PTCD1: variants seen among roughly 807,000 people sequenced by gnomAD.
PTCD1 encodes the protein pentatricopeptide repeat-containing protein 1, mitochondrial.
PTCD1 carries 50 observed loss-of-function variants against 53.4 expected under a neutral mutation model. That is an observed-to-expected ratio of 0.94 (90% CI 0.75 to 1.19). The LOEUF is 1.19. Among genes scored for constraint, PTCD1 ranks in the 50% most tolerant of loss-of-function variants. The pLI, the probability that PTCD1 is intolerant of heterozygous loss-of-function variation, is 0.00. For synonymous variants in PTCD1, 413 were observed against 394.8 expected (o/e 1.05, Z -0.55); for missense variants, 918 against 904.8 (o/e 1.01, Z -0.19).
Position 99,421,164 on chromosome 7 carries a change from G to A in PTCD1, c.1921-1015C>T, listed in dbSNP as rs868197553. On this transcript the variant is annotated intron_variant, in intron 7 of 7. Transcript: ENST00000292478. ...GTAAATCAAAAATCAATCTGGCTGT[G>A]TGTGCTGGCTCACTCCTATAATCCC... Among the ~76,000 whole-genome samples, 32 of 152,296 alleles carry A rather than the reference G, an allele frequency of 2.1e-4. No individual in the cohort carries two copies. The Middle Eastern group carries it at 0.01, about 49-fold the overall frequency.
At chr7:99,430,363 A>AG (rs750544828) in intron 3 of PTCD1, among the ~76,000 whole-genome samples, 25 of 152,220 alleles carry the variant, frequency 1.6e-4, no homozygotes, top group Non-Finnish European at 3.1e-4. Context: ...CTGAGCCTCC[A>AG]GGGGACTAAG....
chr7:99,417,749 C>G lies in PTCD1; in HGVS notation c.*2218G>C, dbSNP rs1795585818. The G allele has an allele frequency of 1.3e-6, 2 of 1,534,750 alleles. No homozygotes were observed. Among genetic ancestry groups the G allele is most frequent in the East Asian group, 4.9e-5 (2 of 40,856 alleles). Reference sequence around the variant, plus strand: ...CCTCGTGGGAGTGGGTCCCTGTATTCAGGAATCCATGTGAGGCAGCGTGTG... The same window carrying G: ...CCTCGTGGGAGTGGGTCCCTGTATTGAGGAATCCATGTGAGGCAGCGTGTG... On this transcript the variant is annotated 3_prime_UTR_variant, in exon 8 of 8. Transcript: ENST00000292478.
chr7:99,429,743 C>A lies in PTCD1; in HGVS notation c.658G>T (p.Glu220Ter), dbSNP rs142976150. Reference protein sequence around the residue: ...TYTALFNVCAESPWKDSALQS... With the variant: ...TYTALFNVCA ...AGAGCTGAGTCCTTCCAGGGGGACT[C>A]GGCACAGACGTTGAACAGGGCCGTG... The change falls in exon 4 of 8, where the codon GAG becomes TAG. Residue 220 changes from glutamate to a stop codon, truncating the protein, a stop_gained. Coordinates refer to ENST00000292478, the MANE Select transcript of PTCD1 (RefSeq NM_015545.4). LOFTEE classifies it high-confidence loss of function. The A allele has an allele frequency of 1.2e-6, 2 of 1,614,038 alleles. No individual in the cohort carries two copies. The highest frequency in any genetic ancestry group is 8.5e-7 in the Non-Finnish European group (1 of 1,180,046).
rs1795587020 is a variant in PTCD1, at chr7:99,417,772, G to C, written c.*2195C>G. 1 of 1,531,496 alleles carries C rather than the reference G, an allele frequency of 6.5e-7. No homozygotes were observed. Among genetic ancestry groups the C allele is most frequent in the African/African-American group, 1.4e-5 (1 of 72,910 alleles). The allele number at this position is 1,531,496 out of a possible 1,614,324, so 94.9% of individuals were successfully genotyped here. A position where few individuals can be genotyped will look rare whatever the true frequency, so the allele number is the denominator to read the frequency against. The stretch of plus-strand genomic sequence containing the variant: ...TTCAGGAATCCATGTGAGGCAGCGT[G>C]TGGCTGTGTGTTTGTTAGGTCTGGG... On this transcript the variant is annotated 3_prime_UTR_variant, in exon 8 of 8. Transcript: ENST00000292478.
intron 1 of PTCD1, among the ~76,000 whole-genome samples, chr7:99,437,078 C>T (rs1796500138): frequency 1.3e-5 from 2 of 152,192 alleles, no homozygotes; most frequent in Admixed American, 1.3e-4. Context: ...TGTTGCCAGG[C>T]TGGTCTAGAA....
At position 99,429,741 on chromosome 7, in the gene PTCD1, C is replaced by A. The variant is rs761682682; in HGVS notation, c.660G>T (p.Glu220Asp). 6.2e-7 allele frequency: 1 copy of A among 1,614,130 alleles called. No homozygotes were observed. The highest frequency in any genetic ancestry group is 2.2e-5 in the East Asian group (1 of 44,902). ...TYTALFNVCA[E>D]SPWKDSALQS... Reference sequence around the variant, plus strand: ...GTAGAGCTGAGTCCTTCCAGGGGGACTCGGCACAGACGTTGAACAGGGCCG... The same window carrying A: ...GTAGAGCTGAGTCCTTCCAGGGGGAATCGGCACAGACGTTGAACAGGGCCG... Residue 220 changes from glutamate (E) to aspartate (D), a missense_variant, in exon 4 of 8, where the codon GAG becomes GAT. Transcript: ENST00000292478.
At position 99,435,209 on chromosome 7, in the gene PTCD1, T is replaced by G; in HGVS notation, c.34A>C (p.Arg12=). 1 of 1,604,220 alleles carries G rather than the reference T, an allele frequency of 6.2e-7. No individual in the cohort carries two copies. The highest frequency in any genetic ancestry group is 1.1e-5 in the South Asian group (1 of 91,084). ...ATGAACAGTCCCATGGGGCGGGCCC[T>G]GGCGAACAGTCGAGCGAGTCTCACG... ...DFVRLARLFA[R]ARPMGLFILQ... Residue 12 remains arginine, a synonymous_variant, in exon 2 of 8, where the codon AGG becomes CGG. Coordinates refer to ENST00000292478, the MANE Select transcript of PTCD1 (RefSeq NM_015545.4).
In PTCD1 at chr7:99,425,455, G is replaced by C; in HGVS notation, c.1077C>G (p.Ser359Arg). ...GGGCTGTCCTCCTTGGCCGCTGCCT[G>C]CTCACTGGGGGCTGAAGCACAGTCG... Reference protein sequence around the residue: ...EEATVLQPPVSRQRPRRTAQA... With the variant: ...EEATVLQPPVRRQRPRRTAQA... Residue 359 changes from serine (S) to arginine (R), a missense_variant, in exon 6 of 8, where the codon AGC becomes AGG. Physicochemically the swap from Ser to Arg is moderately radical, Grantham distance 110 (BLOSUM62 -1). Transcript: ENST00000292478. 1 of 1,613,774 alleles carries C rather than the reference G, an allele frequency of 6.2e-7. No homozygotes were observed. Among genetic ancestry groups the C allele is most frequent in the Non-Finnish European group, 8.5e-7 (1 of 1,179,966 alleles).
At chr7:99,431,783 G>A (rs1796262502) in intron 3 of PTCD1, among the ~76,000 whole-genome samples, 1 of 152,146 alleles carries the variant, frequency 6.6e-6, no homozygotes. Flanking sequence ...AGATCAGACT[G>A]TTACTGTGTC....
In PTCD1 at chr7:99,425,027, G is replaced by C; in HGVS notation, c.1505C>G (p.Pro502Arg). The stretch of plus-strand genomic sequence containing the variant: ...GAGGGCCAGCAGCAAGGACTCTGCA[G>C]GACTCCCGGACTCCACCACCTCGGC... Reference protein sequence around the residue: ...LLAEVVESGSPAESLLLALLD... With the variant: ...LLAEVVESGSRAESLLLALLD... The change falls in exon 6 of 8, where the codon CCT (proline) becomes CGT (arginine). Residue 502 changes from proline to arginine, a missense_variant. By Grantham distance (103) the Pro-to-Arg change is moderately radical. Transcript: ENST00000292478. 1 of 1,614,230 alleles carries C rather than the reference G, an allele frequency of 6.2e-7. No individual in the cohort carries two copies. The highest frequency in any genetic ancestry group is 8.5e-7 in the Non-Finnish European group (1 of 1,180,036).
Position 99,419,767 on chromosome 7 carries a change from G to C in PTCD1, c.*200C>G. On this transcript the variant is annotated 3_prime_UTR_variant, in exon 8 of 8. Transcript: ENST00000292478. ...AAGTCCCGTGAAGGTGACACGCAAA[G>C]GTGGCTGGAGCTGCACTTGGACCTG... is the stretch of plus-strand genomic sequence containing the variant. 1.2e-6 allele frequency: 1 copy of C among 834,902 alleles called. No homozygotes were observed. The highest frequency in any genetic ancestry group is 1.8e-6 in the Non-Finnish European group (1 of 546,362). The allele number at this position is 834,902 out of a possible 1,614,324, so 51.7% of individuals were successfully genotyped here. A position where few individuals can be genotyped will look rare whatever the true frequency, so the allele number is the denominator to read the frequency against.
rs992964952 is a variant in PTCD1 at position 99,438,755 on chromosome 7, C to G, written c.-90G>C. 5 of 1,334,038 alleles carry G rather than the reference C, an allele frequency of 3.7e-6. No individual in the cohort carries two copies. Among genetic ancestry groups the G allele is most frequent in the Non-Finnish European group, 4.9e-6 (5 of 1,019,726 alleles). The allele number at this position is 1,334,038 out of a possible 1,614,324, so 82.6% of individuals were successfully genotyped here. ...TGCCCGGTCCCCGCGGCGAACCAGT[C>G]TCTTCCTCGGGTCCCCCTCTCCCCA... On this transcript the variant is annotated 5_prime_UTR_variant, in exon 1 of 8. Transcript: ENST00000292478.
Position 99,429,793 on chromosome 7 carries a change from T to A in PTCD1, c.608A>T (p.Asp203Val). 1 of 1,613,972 alleles carries A rather than the reference T, an allele frequency of 6.2e-7. No homozygotes were observed. The highest frequency in any genetic ancestry group is 8.5e-7 in the Non-Finnish European group (1 of 1,179,992). Residue 203 changes from aspartate (D) to valine (V), a missense_variant, in exon 4 of 8, where the codon GAC becomes GTC. Physicochemically the swap from Asp to Val is radical, Grantham distance 152. Coordinates refer to ENST00000292478, the MANE Select transcript of PTCD1 (RefSeq NM_015545.4). ...GTAGGTGGCGTCCGAGGGCTCCAGG[T>A]CCCGCTTTTTCATCTGTGGAGATGG... is the stretch of plus-strand genomic sequence containing the variant. Reference protein sequence around the residue: ...FNLYNQMKKRDLEPSDATYTA... With the variant: ...FNLYNQMKKRVLEPSDATYTA...
At position 99,429,944 on chromosome 7, in the gene PTCD1, A is replaced by T. The variant is rs919214025; in HGVS notation, c.595-138T>A. 2.5e-5 allele frequency: 27 copies of T among 1,093,140 alleles called. 1 individual carries two copies. The South Asian group carries it at 3.1e-4, about 12-fold the overall frequency. 67.7% of individuals were successfully genotyped at this position (1,093,140 alleles called of 1,614,324 possible). ...GCCAGGCTCTAAGGCAGAGCCATGGACACATCAGAGCCCAGCTCTCCAAAC... is the reference window on the plus strand; with the variant it reads ...GCCAGGCTCTAAGGCAGAGCCATGGTCACATCAGAGCCCAGCTCTCCAAAC... On this transcript the variant is annotated intron_variant, in intron 3 of 7. Transcript: ENST00000292478.
rs905391844 is a variant in PTCD1, at chr7:99,417,737, G to T, written c.*2230C>A. 54 of 1,535,660 alleles carry T rather than the reference G, an allele frequency of 3.5e-5. No homozygotes were observed. The highest frequency in any genetic ancestry group is 1.7e-4 in the Middle Eastern group (1 of 5,798). On this transcript the variant is annotated 3_prime_UTR_variant, in exon 8 of 8. Coordinates refer to ENST00000292478, the MANE Select transcript of PTCD1 (RefSeq NM_015545.4). ...CTGCTGGCTCTCCCTCGTGGGAGTG[G>T]GTCCCTGTATTCAGGAATCCATGTG...
At chr7:99,428,755 A>C (rs1462056044) in intron 5 of PTCD1, among the ~76,000 whole-genome samples, 1 of 152,108 alleles carries the variant, frequency 6.6e-6, no homozygotes, top group Non-Finnish European at 1.5e-5. Flanking sequence ...TGAATGAATG[A>C]ATGAATGACT....
intron 3 of PTCD1, among the ~76,000 whole-genome samples, chr7:99,431,824 C>G (rs1392273721): frequency 6.6e-6 from 1 of 152,178 alleles, no homozygotes; most frequent in Non-Finnish European, 1.5e-5. Flanking sequence ...CAAGAAACTC[C>G]ATTTTGTTCT....
chr7:99,425,678 A>C, intron 5 of PTCD1, 62 bp from the exon 6 acceptor site: 318 of 1,544,902 alleles, frequency 2.1e-4, no homozygotes, highest in Non-Finnish European at 2.6e-4. Flanking sequence ...CGCAGGGCTC[A>C]CGCCTGGAAT....
rs147926008 is a variant in PTCD1, at chr7:99,429,646, G to A, written c.755C>T (p.Ala252Val). 89 of 1,614,208 alleles carry A rather than the reference G, an allele frequency of 5.5e-5. No individual in the cohort carries two copies. The highest frequency in any genetic ancestry group is 1.6e-4 in the Middle Eastern group (1 of 6,062). The change falls in exon 4 of 8, where the codon GCG (alanine) becomes GTG (valine). Residue 252 changes from alanine to valine, a missense_variant. Ala to Val is a moderately conservative substitution (Grantham distance 64). Coordinates refer to ENST00000292478, the MANE Select transcript of PTCD1 (RefSeq NM_015545.4). ...NFELNLKTYHALLKMAAKCAD... is the reference protein window; with the variant it reads ...NFELNLKTYHVLLKMAAKCAD... The stretch of plus-strand genomic sequence containing the variant: ...GCACTTGGCAGCCATCTTCAGCAGC[G>A]CGTGGTATGTTTTCAAGTTGAGCTC...
Sources: allele counts gnomAD v4.1 joint callset (sites outside exome capture counted in the v4.1 genomes callset), GRCh38; gene constraint gnomAD v4.1.1; transcripts MANE v1.5; gene names NCBI Gene and HGNC (gene_info 2026-07-23, HGNC 2026-07-21).